SIL1: variants seen among roughly 807,000 people sequenced by gnomAD.
SIL1 encodes the protein nucleotide exchange factor SIL1.
Under a neutral mutation model 49.1 loss-of-function variants are expected in SIL1, and 40 were observed. That is an observed-to-expected ratio of 0.81 (90% CI 0.63 to 1.06). SIL1 has a LOEUF of 1.06. Ranked by LOEUF, SIL1 falls within the 50% of genes least tolerant of loss-of-function variation. The pLI is 0.00. For missense variants in SIL1, 500 were observed against 572.6 expected (o/e 0.87, Z 1.29); for synonymous variants, 253 against 250.8 (o/e 1.01, Z -0.08).
chr5:139,088,348 CTAA>C (rs779858215), intron 3 of SIL1, among the ~76,000 whole-genome samples: 69 of 152,342 alleles, frequency 4.5e-4, no homozygotes, highest in Admixed American at 1.6e-3. Flanking sequence ...TAAAGCCTTT[CTAA>C]TAAGTGGGAT....
chr5:138,958,469 CT>C (rs1766947686), intron 7 of SIL1, among the ~76,000 whole-genome samples: 1 of 152,162 alleles, frequency 6.6e-6, no homozygotes, highest in Non-Finnish European at 1.5e-5. Context: ...TGGGGAGACA[CT>C]TTGAGATATG....
intron 7 of SIL1, among the ~76,000 whole-genome samples, chr5:138,993,322 CAA>C (rs1269198482): frequency 1.3e-5 from 2 of 152,154 alleles, no homozygotes; most frequent in Admixed American, 6.5e-5. Flanking sequence ...ACTCAAGACC[CAA>C]GAGTCTACCC....
chr5:139,034,791 G>A (rs946409756), intron 5 of SIL1, among the ~76,000 whole-genome samples: 1 of 152,150 alleles, frequency 6.6e-6, no homozygotes, highest in Non-Finnish European at 1.5e-5. Flanking sequence ...CCCAGTAATG[G>A]GATTGCTGGG....
chr5:139,135,544 T>C (rs1322988573), intron 1 of SIL1, among the ~76,000 whole-genome samples: 1 of 152,030 alleles, frequency 6.6e-6, no homozygotes, highest in Non-Finnish European at 1.5e-5. Flanking sequence ...CAGCTGGGAA[T>C]AGGCACCTGG....
intron 1 of SIL1, among the ~76,000 whole-genome samples, chr5:139,164,143 A>T (rs1295560569): frequency 6.6e-6 from 1 of 151,404 alleles, no homozygotes; most frequent in Non-Finnish European, 1.5e-5. Flanking sequence ...AGATATTATC[A>T]TCTCCATTTT....
At chr5:138,996,710 G>C (rs1022886806) in intron 7 of SIL1, among the ~76,000 whole-genome samples, 2 of 151,490 alleles carry the variant, frequency 1.3e-5, no homozygotes, top group Non-Finnish European at 2.9e-5. Context: ...AGTAGAGATG[G>C]GGTTTCACCA....
At chr5:139,196,383 A>G (rs1752274180) in intron 1 of SIL1, 1 of 152,232 alleles carries the variant, frequency 6.6e-6, no homozygotes, top group Non-Finnish European at 1.5e-5. Context: ...CTAAAGGAGA[A>G]CATTCATTGG....
intron 8 of SIL1, 84 bp downstream of exon 8, chr5:138,951,704 T>G (rs891114631): frequency 1.5e-6 from 2 of 1,304,886 alleles, no homozygotes; most frequent in Non-Finnish European, 2.2e-6. Context: ...CATGGTAACA[T>G]GCACAGCCTG....
At chr5:139,073,353 C>T (rs1472829192) in intron 3 of SIL1, among the ~76,000 whole-genome samples, 1 of 152,068 alleles carries the variant, frequency 6.6e-6, no homozygotes, top group African/African-American at 2.4e-5. Flanking sequence ...TACTGTTTAA[C>T]CATAAAAAAT....
intron 1 of SIL1, among the ~76,000 whole-genome samples, chr5:139,178,934 A>G (rs1272500185): frequency 1.3e-5 from 2 of 152,156 alleles, no homozygotes; most frequent in Non-Finnish European, 2.9e-5. Context: ...ATCCAAATCA[A>G]AGAGTTCTAC....
chr5:139,105,827 TG>T (rs1324814509), intron 3 of SIL1, among the ~76,000 whole-genome samples: 3 of 152,194 alleles, frequency 2.0e-5, no homozygotes, highest in Non-Finnish European at 4.4e-5. Flanking sequence ...CAAAGAATAG[TG>T]GCTTTCCCTA....
rs762060202 is a variant in SIL1, at chr5:138,951,805, G to A, written c.847C>T (p.Leu283Phe). The A allele has an allele frequency of 1.2e-6, 2 of 1,614,130 alleles. No individual in the cohort carries two copies. Among genetic ancestry groups the A allele is most frequent in the Non-Finnish European group, 8.5e-7 (1 of 1,180,034 alleles). Reference protein sequence around the residue: ...LLVILATEQPLTAKKKVLFAL... With the variant: ...LLVILATEQPFTAKKKVLFAL... ...AAACACACCTTCTTCTTTGCAGTGA[G>A]CGGCTGCTCCGTGGCCAGGATGACC... The change falls in exon 8 of 10, where the codon CTC becomes TTC. Residue 283 changes from leucine to phenylalanine, a missense_variant. Coordinates refer to ENST00000394817, the MANE Select transcript of SIL1 (RefSeq NM_022464.5).
At chr5:138,957,414 TAA>T (rs58144526) in intron 7 of SIL1, among the ~76,000 whole-genome samples, 110 of 91,326 alleles carry the variant, frequency 1.2e-3, no homozygotes, top group Middle Eastern at 6.8e-3. Flanking sequence ...TCTGCAAAAG[TAA>T]AAAAAAAAAA....
At chr5:138,949,798 C>CA (rs5871689) in intron 9 of SIL1, among the ~76,000 whole-genome samples, 28,238 of 82,678 alleles carry the variant, frequency 0.34, 3,930 homozygotes, top group Non-Finnish European at 0.42. Context: ...GACCCTGTCT[C>CA]AAAAAAAAAA....
At chr5:138,964,111 T>C (rs1767083846) in intron 7 of SIL1, among the ~76,000 whole-genome samples, 1 of 152,204 alleles carries the variant, frequency 6.6e-6, no homozygotes, top group African/African-American at 2.4e-5. Context: ...CTTTAAGAAC[T>C]GGAGAAAAGT....
At chr5:139,063,752 T>C (rs1192933183) in intron 3 of SIL1, among the ~76,000 whole-genome samples, 1 of 152,108 alleles carries the variant, frequency 6.6e-6, no homozygotes, top group African/African-American at 2.4e-5. Context: ...GATTCCAGAG[T>C]GCCTGCATTT....
At chr5:139,024,361 T>TC (rs1363644925) in intron 6 of SIL1, among the ~76,000 whole-genome samples, 1 of 152,166 alleles carries the variant, frequency 6.6e-6, no homozygotes, top group African/African-American at 2.4e-5. Context: ...TCATTTTTTT[T>TC]CTCTAAGAGG....
intron 2 of SIL1, among the ~76,000 whole-genome samples, chr5:139,122,403 GGCA>G (rs1305644045): frequency 6.6e-6 from 1 of 151,976 alleles, no homozygotes; most frequent in East Asian, 1.9e-4. Flanking sequence ...GACCAGCCTG[GGCA>G]ACACCACAAA....
chr5:139,120,888 A>T (rs933872617), intron 3 of SIL1, 147 bp downstream of exon 3: 15 of 971,738 alleles, frequency 1.5e-5, no homozygotes, highest in Non-Finnish European at 1.8e-5. Context: ...TGAGCCCTGC[A>T]GCAGCAGCTA....
Sources: gnomAD v4.1 joint callset for allele counts (sites outside exome capture counted in the v4.1 genomes callset) on GRCh38, gnomAD v4.1.1 for gene constraint, MANE v1.5 for transcripts, NCBI Gene and HGNC (gene_info 2026-07-23, HGNC 2026-07-21) for gene names.